Variants in LY6S observed in about 807,000 individuals in gnomAD.
The protein encoded by LY6S is lymphocyte antigen 6 family member S.
the LY6S span, among the ~76,000 whole-genome samples, chr8:143,064,268 G>C: frequency 6.6e-6 from 1 of 152,208 alleles, no homozygotes. Flanking sequence ...CCTTCAGGTA[G>C]CGGTGGCTGA....
At chr8:143,070,426 A>G in the LY6S span, among the ~76,000 whole-genome samples, 16 of 99,286 alleles carry the variant, frequency 1.6e-4, no homozygotes, top group African/African-American at 9.0e-4. Flanking sequence ...ATATATTTAT[A>G]TATATATTAT....
chr8:143,057,771 C>T, the LY6S span: 1 of 784,784 alleles, frequency 1.3e-6, no homozygotes. Flanking sequence ...CTATCTAGGG[C>T]TTCTGCCTGT....
chr8:143,072,213 G>T, the LY6S span, among the ~76,000 whole-genome samples: 1 of 148,480 alleles, frequency 6.7e-6, no homozygotes, highest in Non-Finnish European at 1.5e-5. Context: ...CATTCTGGGG[G>T]TTCCTGTTTG....
At chr8:143,070,422 TTA>T in the LY6S span, among the ~76,000 whole-genome samples, 299 of 98,710 alleles carry the variant, frequency 3.0e-3, 10 homozygotes, top group African/African-American at 0.016. Flanking sequence ...GTATATATAT[TTA>T]TATATATATT....
the LY6S span, among the ~76,000 whole-genome samples, chr8:143,072,951 C>G: frequency 2.0e-5 from 2 of 100,252 alleles, no homozygotes; most frequent in South Asian, 4.4e-4. Flanking sequence ...AGACAGCCGT[C>G]GTCCTCGGGG....
At chr8:143,050,689 C>T in the LY6S span, among the ~76,000 whole-genome samples, 6 of 152,144 alleles carry the variant, frequency 3.9e-5, no homozygotes, top group African/African-American at 7.2e-5. Flanking sequence ...GAACCTAACT[C>T]GTTCCAGGGT....
chr8:143,052,379 T>C, the LY6S span, among the ~76,000 whole-genome samples: 261 of 152,158 alleles, frequency 1.7e-3, no homozygotes, highest in African/African-American at 5.9e-3. Context: ...GCAACCACAA[T>C]AGAGTCACTC....
At chr8:143,074,121 C>T in the LY6S span, among the ~76,000 whole-genome samples, 3 of 152,152 alleles carry the variant, frequency 2.0e-5, no homozygotes, top group East Asian at 5.8e-4. Flanking sequence ...TGGTTTTCTC[C>T]AGTTTTATAC....
the LY6S span, among the ~76,000 whole-genome samples, chr8:143,060,770 C>T: frequency 1.1e-4 from 16 of 152,152 alleles, no homozygotes; most frequent in South Asian, 4.2e-4. Flanking sequence ...TCTCCACACA[C>T]GAGGAGAAAA....
chr8:143,068,017 C>T, the LY6S span, among the ~76,000 whole-genome samples: 2 of 152,200 alleles, frequency 1.3e-5, no homozygotes, highest in Admixed American at 1.3e-4. Flanking sequence ...TTCACTACTC[C>T]TCCTCAGCAC....
At chr8:143,062,575 A>G in the LY6S span, among the ~76,000 whole-genome samples, 3 of 152,156 alleles carry the variant, frequency 2.0e-5, no homozygotes, top group Non-Finnish European at 4.4e-5. Context: ...TCGGGAAGCT[A>G]AGGCAGGAAA....
chr8:143,070,464 A>AT, the LY6S span, among the ~76,000 whole-genome samples: 65 of 34,120 alleles, frequency 1.9e-3, no homozygotes, highest in East Asian at 6.8e-3. Flanking sequence ...ATATATATAT[A>AT]ATATATATAT....
chr8:143,046,760 G>A, the LY6S span, among the ~76,000 whole-genome samples: 2 of 152,050 alleles, frequency 1.3e-5, no homozygotes, highest in Non-Finnish European at 2.9e-5. Flanking sequence ...ATACCTTTGG[G>A]AGACCGAGGC....
At chr8:143,048,390 T>A in the LY6S span, among the ~76,000 whole-genome samples, 1 of 152,126 alleles carries the variant, frequency 6.6e-6, no homozygotes, top group East Asian at 1.9e-4. Flanking sequence ...CCGTTTGCTG[T>A]CCCTCTGGTA....
chr8:143,059,410 T>A, the LY6S span, among the ~76,000 whole-genome samples: 1 of 152,152 alleles, frequency 6.6e-6, no homozygotes, highest in African/African-American at 2.4e-5. Flanking sequence ...GTTTTTTTTT[T>A]AGACAAATAT....
chr8:143,064,246 T>C, the LY6S span, among the ~76,000 whole-genome samples: 2 of 152,246 alleles, frequency 1.3e-5, no homozygotes, highest in South Asian at 4.1e-4. Flanking sequence ...TGCCTAGAAA[T>C]CCTTTTAGCT....
At chr8:143,046,878 G>A in the LY6S span, among the ~76,000 whole-genome samples, 2 of 151,996 alleles carry the variant, frequency 1.3e-5, no homozygotes, top group Admixed American at 6.6e-5. Flanking sequence ...GCGGGCACCT[G>A]TAATCCCAGC....
chr8:143,044,570 G>A, the LY6S span: 21 of 393,380 alleles, frequency 5.3e-5, no homozygotes, highest in African/African-American at 1.5e-4. Flanking sequence ...GCCACAGACC[G>A]GCCCCCAAAG....
the LY6S span, chr8:143,056,938 A>G: frequency 1.7e-5 from 3 of 173,040 alleles, no homozygotes; most frequent in South Asian, 4.3e-4. Flanking sequence ...AAATCAGTAG[A>G]AATAAAAGTA....
Sources: allele counts gnomAD v4.1 joint callset (sites outside exome capture counted in the v4.1 genomes callset), GRCh38; gene constraint gnomAD v4.1.1; transcripts MANE v1.5; gene names NCBI Gene and HGNC (gene_info 2026-07-23, HGNC 2026-07-21).